HS3ST4: variants seen among roughly 807,000 people sequenced by gnomAD.
The protein encoded by HS3ST4 is heparan sulfate glucosamine 3-O-sulfotransferase 4.
A neutral mutation model predicts 29.2 loss-of-function variants in HS3ST4; 17 were observed. The ratio of observed to expected loss-of-function variants is 0.58; its 90% CI spans 0.40 to 0.87. HS3ST4 has a LOEUF of 0.87. Among genes scored for constraint, HS3ST4 ranks in the 40% least tolerant of loss-of-function variants. The probability of loss-of-function intolerance (pLI) is 0.00; values close to 1 mark genes in which losing one functional copy is unlikely to be tolerated. For synonymous variants in HS3ST4, 314 were observed against 285.7 expected (o/e 1.10, Z -1.00); for missense variants, 627 against 634.5 (o/e 0.99, Z 0.13).
At chr16:25,838,266 A>C (rs1040947530) in intron 1 of HS3ST4, among the ~76,000 whole-genome samples, 12 of 152,196 alleles carry the variant, frequency 7.9e-5, no homozygotes, top group Non-Finnish European at 1.5e-5. Flanking sequence ...TAGTGGGACT[A>C]CAGTGCAGGC....
intron 1 of HS3ST4, among the ~76,000 whole-genome samples, chr16:26,006,300 GAAA>G (rs11461863): frequency 7.7e-4 from 53 of 68,662 alleles, no homozygotes; most frequent in Admixed American, 9.6e-4. Context: ...CTCTGTTTCA[GAAA>G]AAAAAAAAAA....
intron 1 of HS3ST4, among the ~76,000 whole-genome samples, chr16:26,023,101 T>C (rs185675077): frequency 7.9e-4 from 120 of 152,320 alleles, no homozygotes; most frequent in Admixed American, 2.4e-3. Context: ...TACCATTTGC[T>C]ATTTCTTTTT....
At chr16:25,758,039 C>T (rs180742818) in intron 1 of HS3ST4, among the ~76,000 whole-genome samples, 1 of 152,230 alleles carries the variant, frequency 6.6e-6, no homozygotes, top group East Asian at 1.9e-4. Flanking sequence ...GAATAACTTG[C>T]AGCATTATCA....
intron 1 of HS3ST4, among the ~76,000 whole-genome samples, chr16:26,133,096 A>T (rs1193268646): frequency 6.6e-6 from 1 of 152,086 alleles, no homozygotes; most frequent in African/African-American, 2.4e-5. Flanking sequence ...CTTAGATACC[A>T]TGTTTTCCTG....
chr16:25,781,281 G>A (rs796671851), intron 1 of HS3ST4, among the ~76,000 whole-genome samples: 4 of 152,272 alleles, frequency 2.6e-5, no homozygotes, highest in African/African-American at 9.6e-5. Context: ...AGGCTCTTTT[G>A]CTCATGACTG....
intron 1 of HS3ST4, among the ~76,000 whole-genome samples, chr16:26,024,411 C>T (rs1449141357): frequency 6.6e-6 from 1 of 152,078 alleles, no homozygotes; most frequent in South Asian, 2.1e-4. Context: ...AGGAAGAGCA[C>T]CCTCTGGCCA....
At chr16:25,848,721 CT>C in intron 1 of HS3ST4, among the ~76,000 whole-genome samples, 1 of 152,136 alleles carries the variant, frequency 6.6e-6, no homozygotes, top group South Asian at 2.1e-4. Flanking sequence ...AGTTTCATTG[CT>C]GCAAATTCCT....
chr16:25,770,850 C>T (rs1188055394), intron 1 of HS3ST4, among the ~76,000 whole-genome samples: 1 of 152,128 alleles, frequency 6.6e-6, no homozygotes, highest in Non-Finnish European at 1.5e-5. Context: ...TTAATCATAA[C>T]GGTGAATGTC....
At chr16:26,014,007 A>AAAATAAATAAATAAATAAATAAAT (rs142700276) in intron 1 of HS3ST4, among the ~76,000 whole-genome samples, 36 of 145,592 alleles carry the variant, frequency 2.5e-4, no homozygotes, top group Admixed American at 4.1e-4. Flanking sequence ...ACTCTGTCTC[A>AAAATAAATAAATAAATAAATAAAT]AAATAAATAA....
At chr16:25,862,916 T>C (rs1967653563) in intron 1 of HS3ST4, among the ~76,000 whole-genome samples, 1 of 152,224 alleles carries the variant, frequency 6.6e-6, no homozygotes, top group South Asian at 2.1e-4. Flanking sequence ...GCATTCCTAT[T>C]GCCTCCTATT....
chr16:25,772,405 G>C (rs963752369), intron 1 of HS3ST4, among the ~76,000 whole-genome samples: 2 of 152,156 alleles, frequency 1.3e-5, no homozygotes, highest in Non-Finnish European at 1.5e-5. Flanking sequence ...TTAGGATTCT[G>C]TGTTTATGCT....
At chr16:25,828,300 C>CTTTCTCT (rs1567249517) in intron 1 of HS3ST4, among the ~76,000 whole-genome samples, 1 of 56,770 alleles carries the variant, frequency 1.8e-5, no homozygotes, top group East Asian at 4.4e-4. Flanking sequence ...TTCTTTCTTT[C>CTTTCTCT]CCTCTCTCTC....
chr16:26,051,459 C>T (rs1898344689), intron 1 of HS3ST4, among the ~76,000 whole-genome samples: 1 of 151,908 alleles, frequency 6.6e-6, no homozygotes, highest in Non-Finnish European at 1.5e-5. Flanking sequence ...CAAATTGTCT[C>T]TTTTAATCTT....
At chr16:26,124,459 A>T (rs1899316409) in intron 1 of HS3ST4, among the ~76,000 whole-genome samples, 1 of 152,188 alleles carries the variant, frequency 6.6e-6, no homozygotes, top group Non-Finnish European at 1.5e-5. Flanking sequence ...AAATTTTTAA[A>T]TTGTAATTAC....
At chr16:26,094,391 GC>G (rs1411433321) in intron 1 of HS3ST4, among the ~76,000 whole-genome samples, 18 of 152,208 alleles carry the variant, frequency 1.2e-4, no homozygotes, top group Non-Finnish European at 2.5e-4. Flanking sequence ...ACAAAGGGAA[GC>G]CCATCAGACT....
intron 1 of HS3ST4, among the ~76,000 whole-genome samples, chr16:26,123,088 C>T (rs1311938130): frequency 6.6e-6 from 1 of 151,538 alleles, no homozygotes; most frequent in Non-Finnish European, 1.5e-5. Flanking sequence ...GAACAGGGCT[C>T]TTCTCCTTTG....
At chr16:26,108,433 C>T (rs894752457) in intron 1 of HS3ST4, among the ~76,000 whole-genome samples, 2 of 152,146 alleles carry the variant, frequency 1.3e-5, no homozygotes, top group African/African-American at 4.8e-5. Context: ...CATCATAAAT[C>T]ATGTGTAATT....
chr16:25,751,203 A>G (rs1403799450), intron 1 of HS3ST4, among the ~76,000 whole-genome samples: 1 of 152,180 alleles, frequency 6.6e-6, no homozygotes, highest in African/African-American at 2.4e-5. Context: ...GCTGATTGAC[A>G]CAACTCCTTT....
intron 1 of HS3ST4, among the ~76,000 whole-genome samples, chr16:25,774,709 G>A (rs1966846021): frequency 6.6e-6 from 1 of 152,054 alleles, no homozygotes; most frequent in African/African-American, 2.4e-5. Flanking sequence ...CATACTATAG[G>A]CACTGTGTAA....
Sources: allele counts gnomAD v4.1 joint callset (sites outside exome capture counted in the v4.1 genomes callset), GRCh38; gene constraint gnomAD v4.1.1; transcripts MANE v1.5; gene names NCBI Gene and HGNC (gene_info 2026-07-23, HGNC 2026-07-21).